Variants in GGT1 observed in about 807,000 individuals in gnomAD.
GGT1 encodes the protein glutathione hydrolase 1 proenzyme.
Under a neutral mutation model 56.0 loss-of-function variants are expected in GGT1, and 21 were observed. The ratio of observed to expected loss-of-function variants is 0.38; its 90% confidence interval spans 0.27 to 0.54. The LOEUF (loss-of-function observed/expected upper bound fraction) is 0.54. Ranked by LOEUF, GGT1 falls within the 20% of genes least tolerant of loss-of-function variation. The pLI is 0.82. For missense variants in GGT1, 466 were observed against 787.0 expected (o/e 0.59, Z 4.88); for synonymous variants, 238 against 342.6 (o/e 0.69, Z 3.37).
chr22:24,589,259 T>C, the GGT1 span: 148 of 1,267,474 alleles, frequency 1.2e-4, no homozygotes, highest in Non-Finnish European at 1.5e-4. Flanking sequence ...CATGGGGTTC[T>C]GGGCAGCTGT....
At chr22:24,596,811 G>T (rs2045700133) in intron 1 of GGT1, among the ~76,000 whole-genome samples, 1 of 149,828 alleles carries the variant, frequency 6.7e-6, no homozygotes, top group African/African-American at 2.4e-5. Flanking sequence ...TACTTGGGAG[G>T]CTGAGACAGG....
Position 24,628,866 on chromosome 22 carries a change from G to A in GGT1, c.*27G>A. On this transcript the variant is annotated 3_prime_UTR_variant, in exon 16 of 16. Transcript: ENST00000400382. This position sits in a 1 kb window ranked among gnomAD's most constrained non-coding sequence, Gnocchi z 5.7. ...TGCTCCAGGAGGACAAGGCTGACAA[G>A]CAATCCAGGGACAAGATACTCACCA... The A allele has an allele frequency of 6.3e-7, 1 of 1,585,332 alleles. No individual in the cohort carries two copies. Among genetic ancestry groups the A allele is most frequent in the South Asian group, 1.1e-5 (1 of 89,048 alleles).
At chr22:24,619,328 G>A (rs1345317999) in intron 7 of GGT1, among the ~76,000 whole-genome samples, 2 of 151,776 alleles carry the variant, frequency 1.3e-5, no homozygotes, top group Non-Finnish European at 2.9e-5. Context: ...AACTCGGGAG[G>A]TGGAGGTTGG....
intron 11 of GGT1, chr22:24,624,220 G>A (rs889948098): frequency 5.1e-6 from 5 of 984,462 alleles, no homozygotes; most frequent in South Asian, 4.7e-5. Context: ...TGCAGCCCTC[G>A]GGCATGGTGA....
chr22:24,600,121 G>A (rs900917389), upstream of GGT1, among the ~76,000 whole-genome samples: 3 of 152,194 alleles, frequency 2.0e-5, no homozygotes, highest in Non-Finnish European at 2.9e-5. Context: ...AGGACAGGGC[G>A]GCCAGGAGGG....
chr22:24,587,447 C>T, the GGT1 span, among the ~76,000 whole-genome samples: 3 of 152,238 alleles, frequency 2.0e-5, no homozygotes, highest in Admixed American at 6.5e-5. Context: ...CCTCAGGACC[C>T]CCACCAGCCA....
chr22:24,607,010 G>A (rs1282504441), intron 1 of GGT1, among the ~76,000 whole-genome samples: 2 of 151,524 alleles, frequency 1.3e-5, no homozygotes, highest in African/African-American at 2.4e-5. Context: ...GGCTGGGTCC[G>A]CAGCTGTTCC....
rs777243631 is a variant in GGT1 at position 24,623,115 on chromosome 22, G to T, written c.742G>T (p.Val248Leu). The T allele has an allele frequency of 5.6e-6, 9 of 1,611,714 alleles. No individual in the cohort carries two copies. Among genetic ancestry groups the T allele is most frequent in the Middle Eastern group, 2.2e-4 (1 of 4,452 alleles). ...VKDIQAAGGI[V>L]TAEDLNNYRA... is the part of the protein sequence containing the mutation. ...CTGCTGTCCCATTGCAGGGGGCATT[G>T]TGACAGCTGAGGACCTGAACAACTA... is the stretch of plus-strand genomic sequence containing the variant. Residue 248 changes from valine (V) to leucine (L), a missense_variant, in exon 10 of 16, where the codon GTG becomes TTG. This residue lies in a region of GGT1 where 456 missense variants were observed against 716.7 expected (regional missense o/e 0.64). Transcript: ENST00000400382.
At chr22:24,627,294 T>G (rs1601774753) in intron 11 of GGT1, 138 bp from the exon 12 acceptor site, 1 of 1,334,676 alleles carries the variant, frequency 7.5e-7, no homozygotes, top group Non-Finnish European at 1.0e-6. Flanking sequence ...GGGCCTGCCC[T>G]TGGGTCCTGG....
At chr22:24,586,212 GC>G in the GGT1 span, 1 of 1,613,618 alleles carries the variant, frequency 6.2e-7, no homozygotes, top group African/African-American at 1.3e-5. Context: ...GTGAGGCGGG[GC>G]AGCGCCCACA....
chr22:24,597,482 C>T (rs1411354771), intron 1 of GGT1, among the ~76,000 whole-genome samples: 2 of 152,134 alleles, frequency 1.3e-5, no homozygotes, highest in African/African-American at 4.8e-5. Flanking sequence ...TGAGACCAGC[C>T]TGGCCAACAT....
chr22:24,605,276 GTATTATATATTATATAATATGTATTATA>G lies in GGT1; in HGVS notation c.-429+1759_-429+1786del, dbSNP rs1428736740. 5.9e-4 allele frequency among the ~76,000 whole-genome samples: 20 copies of G among 33,860 alleles called. 3 individuals carry two copies. The highest frequency in any genetic ancestry group is 2.6e-3 in the Admixed American group (4 of 1,536). The allele number at this position is 33,860 out of a possible 152,430, so 22.2% of individuals were successfully genotyped here. A position where few individuals can be genotyped will look rare whatever the true frequency, so the allele number is the denominator to read the frequency against. On this transcript the variant is annotated intron_variant, in intron 1 of 15. Transcript: ENST00000400382. ...ATATGTATTATATATTATATAATAT[GTATTATATATTATATAATATGTATTATA>G]TATTATATAATATGTATTATATATT...
intron 5 of GGT1, among the ~76,000 whole-genome samples, chr22:24,611,550 CT>C (rs59770083): frequency 0.18 from 7,865 of 43,704 alleles, 234 homozygotes; most frequent in Non-Finnish European, 0.22. Flanking sequence ...TATCATCTAT[CT>C]ATCTATCTAT....
chr22:24,595,791 C>T (rs562263236), intron 1 of GGT1, among the ~76,000 whole-genome samples: 1 of 152,322 alleles, frequency 6.6e-6, no homozygotes, highest in South Asian at 2.1e-4. Context: ...GCCCAATGGG[C>T]AGGTAGAGGG....
upstream of GGT1, among the ~76,000 whole-genome samples, chr22:24,594,384 C>CGTGTGTGTGTGTGTGTGTGT (rs762877347): frequency 7.1e-6 from 1 of 140,080 alleles, no homozygotes; most frequent in Non-Finnish European, 1.5e-5. Context: ...GCCAAGCACC[C>CGTGTGTGTGTGTGTGTGTGT]GTGTGTATGT....
At chr22:24,592,649 C>G (rs988965274), upstream of GGT1, 1 of 764,172 alleles carries the variant, frequency 1.3e-6, no homozygotes, top group Non-Finnish European at 1.9e-6. Flanking sequence ...CTCACCCAGC[C>G]CTCACTCCAG....
upstream of GGT1, among the ~76,000 whole-genome samples, chr22:24,602,893 C>T (rs8139074): frequency 0.067 from 10,089 of 151,622 alleles, 876 homozygotes; most frequent in African/African-American, 0.23. Flanking sequence ...AGCTCTGTGG[C>T]CCCATCTCCC....
At position 24,605,308 on chromosome 22, in the gene GGT1, TATATA is replaced by T. The variant is rs1297154679; in HGVS notation, c.-429+1786_-429+1790del. Among the ~76,000 whole-genome samples, 2 of 58,042 alleles carry T rather than the reference TATATA, an allele frequency of 3.4e-5. 1 individual carries two copies. 38.1% of individuals were successfully genotyped at this position (58,042 alleles called of 152,430 possible). ...ATATTATATAATATGTATTATATATTATATAATATGTATTATATATTATATAATAT... is the reference window on the plus strand; with the variant it reads ...ATATTATATAATATGTATTATATATTATATGTATTATATATTATATAATAT... On this transcript the variant is annotated intron_variant, in intron 1 of 15. Coordinates refer to ENST00000400382, the MANE Select transcript of GGT1 (RefSeq NM_001288833.2).
intron 5 of GGT1, among the ~76,000 whole-genome samples, chr22:24,612,510 C>CT (rs11416248): frequency 0.44 from 62,868 of 142,240 alleles, 15,815 homozygotes; most frequent in African/African-American, 0.7. Context: ...AGGGCTTATT[C>CT]TTTTTTGTTG....
Sources: gnomAD v4.1 joint callset for allele counts (sites outside exome capture counted in the v4.1 genomes callset) on GRCh38, gnomAD v4.1.1 for gene constraint, gnomAD v4.1.1 regional missense constraint, Gnocchi (gnomAD v3.1) non-coding constraint, MANE v1.5 for transcripts, NCBI Gene and HGNC (gene_info 2026-07-23, HGNC 2026-07-21) for gene names.